HERC3: variants seen among roughly 807,000 people sequenced by gnomAD.
HERC3 encodes HECT and RLD domain containing E3 ubiquitin protein ligase 3.
A neutral mutation model predicts 129.9 loss-of-function variants in HERC3; 58 were observed. That is an observed-to-expected ratio of 0.45 (90% CI 0.36 to 0.56). The LOEUF (loss-of-function observed/expected upper bound fraction) is 0.56. Among genes scored for constraint, HERC3 ranks in the 20% least tolerant of loss-of-function variants. The pLI is 0.00. For synonymous variants in HERC3, 430 were observed against 451.0 expected (o/e 0.95, Z 0.59); for missense variants, 835 against 1,244.2 (o/e 0.67, Z 4.95).
At chr4:88,582,597 A>C in the HERC3 span, among the ~76,000 whole-genome samples, 2 of 152,216 alleles carry the variant, frequency 1.3e-5, no homozygotes, top group East Asian at 1.9e-4. Context: ...ATTGCATCAA[A>C]CAACCAGTCA....
intron 23 of HERC3, among the ~76,000 whole-genome samples, chr4:88,699,353 C>A (rs1560782455): frequency 9.8e-6 from 1 of 102,510 alleles, no homozygotes; most frequent in Non-Finnish European, 1.9e-5. Flanking sequence ...CCCTCTTCTT[C>A]CCCACCCTGC....
the HERC3 span, among the ~76,000 whole-genome samples, chr4:88,569,818 C>G: frequency 1.3e-5 from 2 of 152,216 alleles, no homozygotes; most frequent in African/African-American, 4.8e-5. Flanking sequence ...GTTGCCTGTT[C>G]TTTGGAAATG....
intron 23 of HERC3, chr4:88,697,707 C>T (rs764926703): frequency 1.2e-6 from 2 of 1,611,942 alleles, no homozygotes; most frequent in African/African-American, 1.3e-5. Flanking sequence ...CCGCCGCTGC[C>T]GCCGCCTGGC....
the HERC3 span, among the ~76,000 whole-genome samples, chr4:88,561,759 CAA>C: frequency 6.6e-6 from 1 of 151,984 alleles, no homozygotes; most frequent in Non-Finnish European, 1.5e-5. Flanking sequence ...TGAGAACATG[CAA>C]AGTTTGTCTT....
chr4:88,682,902 A>T (rs1732963725), intron 21 of HERC3, among the ~76,000 whole-genome samples: 1 of 152,082 alleles, frequency 6.6e-6, no homozygotes, highest in Non-Finnish European at 1.5e-5. Flanking sequence ...CGCCACACTG[A>T]CTTCCACAAT....
At chr4:88,599,757 C>T (rs745422852) in intron 2 of HERC3, among the ~76,000 whole-genome samples, 7 of 152,214 alleles carry the variant, frequency 4.6e-5, no homozygotes, top group Non-Finnish European at 1.0e-4. Context: ...AGGTTGCTTG[C>T]TAAGCAAGGC....
the HERC3 span, among the ~76,000 whole-genome samples, chr4:88,541,600 C>G: frequency 1.3e-5 from 2 of 152,172 alleles, no homozygotes. Context: ...GCCTAATAGA[C>G]ATCTACAGAA....
At chr4:88,678,984 A>G (rs911582454) in intron 19 of HERC3, among the ~76,000 whole-genome samples, 1 of 152,142 alleles carries the variant, frequency 6.6e-6, no homozygotes, top group Non-Finnish European at 1.5e-5. Flanking sequence ...TTCTTCTGGC[A>G]TCTGTGTAAT....
chr4:88,704,863 C>CTTTCTTTTTTT (rs1336673525), intron 25 of HERC3, among the ~76,000 whole-genome samples: 11 of 130,670 alleles, frequency 8.4e-5, no homozygotes, highest in African/African-American at 1.8e-4. Flanking sequence ...TTCTTTCTTT[C>CTTTCTTTTTTT]TTTTTTTTTT....
chr4:88,693,337 GTAGA>G, intron 23 of HERC3: 2 of 965,432 alleles, frequency 2.1e-6, no homozygotes, highest in Non-Finnish European at 2.5e-6. Context: ...GAATTTGTTG[GTAGA>G]TATTTTTGAT....
chr4:88,638,539 A>T (rs1727695363), intron 3 of HERC3, among the ~76,000 whole-genome samples: 1 of 152,248 alleles, frequency 6.6e-6, no homozygotes, highest in Admixed American at 6.5e-5. Context: ...AAAATTCAAC[A>T]TCCCTTCATG....
intron 10 of HERC3, among the ~76,000 whole-genome samples, chr4:88,660,794 G>C (rs1291283059): frequency 6.6e-6 from 1 of 151,942 alleles, no homozygotes; most frequent in African/African-American, 2.4e-5. Flanking sequence ...CTTAACCTTG[G>C]CTGCCTACTG....
intron 11 of HERC3, among the ~76,000 whole-genome samples, chr4:88,663,108 C>T (rs150101652): frequency 2.0e-5 from 3 of 152,168 alleles, no homozygotes; most frequent in African/African-American, 7.2e-5. Context: ...CTCAGCCTCT[C>T]CACTTTTTTC....
At chr4:88,690,189 A>G (rs894710068) in intron 23 of HERC3, 2 of 983,146 alleles carry the variant, frequency 2.0e-6, no homozygotes, top group African/African-American at 3.5e-5. Context: ...TTTCCTTTAT[A>G]TAACATTGGT....
chr4:88,669,465 G>A (rs1417022698), intron 14 of HERC3, among the ~76,000 whole-genome samples: 3 of 152,170 alleles, frequency 2.0e-5, no homozygotes, highest in African/African-American at 7.2e-5. Flanking sequence ...TATGTGGTGC[G>A]TCATCCTTTG....
intron 3 of HERC3, among the ~76,000 whole-genome samples, chr4:88,611,039 G>A (rs1252321580): frequency 6.6e-6 from 1 of 152,220 alleles, no homozygotes; most frequent in Non-Finnish European, 1.5e-5. Flanking sequence ...TTGGGATTCA[G>A]CCTCGGAATC....
intron 3 of HERC3, among the ~76,000 whole-genome samples, chr4:88,632,909 T>A (rs1476604583): frequency 6.6e-6 from 1 of 152,070 alleles, no homozygotes; most frequent in Admixed American, 6.6e-5. Flanking sequence ...CCAAGCAAGA[T>A]AAACCCAAAG....
chr4:88,604,664 A>G (rs1467018242), intron 2 of HERC3, among the ~76,000 whole-genome samples: 1 of 152,222 alleles, frequency 6.6e-6, no homozygotes, highest in African/African-American at 2.4e-5. Flanking sequence ...TTAACCATTC[A>G]TCAGTTGATG....
intron 21 of HERC3, among the ~76,000 whole-genome samples, chr4:88,683,665 C>A (rs1733064373): frequency 6.6e-6 from 1 of 152,180 alleles, no homozygotes; most frequent in Non-Finnish European, 1.5e-5. Context: ...TGAATGAGAG[C>A]TAGTTATAAG....
Sources: gnomAD v4.1 joint callset for allele counts (sites outside exome capture counted in the v4.1 genomes callset) on GRCh38, gnomAD v4.1.1 for gene constraint, MANE v1.5 for transcripts, NCBI Gene and HGNC (gene_info 2026-07-23, HGNC 2026-07-21) for gene names.